Variants in SUN5 observed in about 807,000 individuals in gnomAD.
The protein encoded by SUN5 is SUN domain-containing protein 5.
A neutral mutation model predicts 53.7 loss-of-function variants in SUN5; 44 were observed. That is an observed-to-expected ratio of 0.82 (90% CI 0.64 to 1.05). The LOEUF (loss-of-function observed/expected upper bound fraction) is 1.05. SUN5 is among the 50% of genes least tolerant of loss of function. The pLI is 0.00. For synonymous variants in SUN5, 166 were observed against 179.8 expected, an observed-to-expected ratio of 0.92 and a Z score of 0.62; for missense variants, 433 against 483.8, an observed-to-expected ratio of 0.90 and a Z score of 0.98.
In SUN5 at chr20:32,996,371, T is replaced by C. The variant is rs1273246846; in HGVS notation, c.391-13A>G. The C allele has an allele frequency of 6.2e-7, 1 of 1,612,420 alleles. No homozygotes were observed. The highest frequency in any genetic ancestry group is 8.5e-7 in the Non-Finnish European group (1 of 1,178,914). ...TTATGCTGTCATCCTGGTGGAGTAT[T>C]GAGAAAGTAAGGGGTCTCCTTCAGA... is the stretch of plus-strand genomic sequence containing the variant. On this transcript the variant is annotated splice_polypyrimidine_tract_variant and intron_variant, in intron 6 of 12. Coordinates refer to ENST00000356173, the MANE Select transcript of SUN5 (RefSeq NM_080675.4).
Position 33,001,383 on chromosome 20 carries a change from G to C in SUN5, c.212-105C>G, listed in dbSNP as rs185654066. ...GCTGGGGGAGGCCCTGGAGCTGGGA[G>C]ACCCTCTCGACTTGTTGGCCGAGCC... On this transcript the variant is annotated intron_variant, in intron 3 of 12. Transcript: ENST00000356173. The C allele has an allele frequency of 1.7e-4, 220 of 1,294,034 alleles. 3 individuals carry two copies. In the Middle Eastern group the frequency reaches 4.7e-3, roughly 28 times the overall value. The allele number at this position is 1,294,034 out of a possible 1,614,324, so 80.2% of individuals were successfully genotyped here.
chr20:32,990,739 G>A (rs775091646), intron 8 of SUN5, among the ~76,000 whole-genome samples: 7 of 152,134 alleles, frequency 4.6e-5, no homozygotes, highest in Non-Finnish European at 8.8e-5. Context: ...GATGATTCCA[G>A]CCCCAGATGT....
chr20:32,985,972 G>C, intron 10 of SUN5, 69 bp from the exon 11 acceptor site: 4 of 1,527,478 alleles, frequency 2.6e-6, no homozygotes, highest in Non-Finnish European at 3.6e-6. Flanking sequence ...TTGATCCCCT[G>C]TACTTCCTGG....
Position 32,987,750 on chromosome 20 carries a change from C to A in SUN5, c.639G>T (p.Thr213=), listed in dbSNP as rs540597982. The A allele has an allele frequency of 1.2e-6, 2 of 1,613,064 alleles. No homozygotes were observed. The highest frequency in any genetic ancestry group is 4.5e-5 in the East Asian group (2 of 44,844). ...CCTTCTCATGGTTATAGGTGACTGA[C>A]GTGTGCTCAAAGTCAATGCTGGCCC... The part of the protein sequence containing the change: ...SIGASIDFEH[T]SVTYNHEKAH... The change falls in exon 10 of 13, where the codon ACG becomes ACT. Residue 213 remains threonine (T), a synonymous_variant. Coordinates refer to ENST00000356173, the MANE Select transcript of SUN5 (RefSeq NM_080675.4).
At position 32,985,975 on chromosome 20, in the gene SUN5, C is replaced by T. The variant is rs897408012; in HGVS notation, c.730-72G>A. ...ATCATCCCACCTTTGATCCCCTGTA[C>T]TTCCTGGGACCTCCTGGGTGAGCCA... is the stretch of plus-strand genomic sequence containing the variant. On this transcript the variant is annotated intron_variant, in intron 10 of 12. Coordinates refer to ENST00000356173, the MANE Select transcript of SUN5 (RefSeq NM_080675.4). 10 of 1,514,950 alleles carry T rather than the reference C, an allele frequency of 6.6e-6. No individual in the cohort carries two copies. The African/African-American group carries it at 1.2e-4, about 19-fold the overall frequency. The allele number at this position is 1,514,950 out of a possible 1,614,324, so 93.8% of individuals were successfully genotyped here.
intron 12 of SUN5, 55 bp downstream of exon 12, chr20:32,985,044 G>A: frequency 1.3e-6 from 2 of 1,581,660 alleles, no homozygotes; most frequent in Non-Finnish European, 1.7e-6. Flanking sequence ...CCTGGGTACA[G>A]ACTGCACACT....
chr20:33,001,186 A>G lies in SUN5; in HGVS notation c.278+26T>C, dbSNP rs6059007. 0.012 allele frequency: 18,191 copies of G among 1,559,550 alleles called. 894 individuals carry two copies. In the African/African-American group the frequency reaches 0.14, roughly 12 times the overall value. On this transcript the variant is annotated intron_variant, in intron 4 of 12. Coordinates refer to ENST00000356173, the MANE Select transcript of SUN5 (RefSeq NM_080675.4). Reference sequence around the variant, plus strand: ...AGCTGCCATTTCCCACTCCCCATCCACCCTCCCCCTGCCTTCCCTGCTCAC... The same window carrying G: ...AGCTGCCATTTCCCACTCCCCATCCGCCCTCCCCCTGCCTTCCCTGCTCAC...
rs759672435 is a variant in SUN5, at chr20:33,002,913, G to C, written c.84C>G (p.Ala28=). Residue 28 remains alanine (A), a synonymous_variant, in exon 2 of 13, where the codon GCC becomes GCG. Coordinates refer to ENST00000356173, the MANE Select transcript of SUN5 (RefSeq NM_080675.4). ...VAHNPRPRRI[A]QRGRNTSRMA... The stretch of plus-strand genomic sequence containing the variant: ...TCCTGCTGGTGTTCCGGCCTCGCTG[G>C]GCAATCCTGGGGATGATAAGATTCA... 129 of 1,613,996 alleles carry C rather than the reference G, an allele frequency of 8.0e-5. 1 individual carries two copies. In the East Asian group the frequency reaches 2.9e-3, roughly 36 times the overall value.
Position 32,995,664 on chromosome 20 carries a change from G to C in SUN5, c.489C>G (p.Asn163Lys), listed in dbSNP as rs1448847369. 1.2e-6 allele frequency: 2 copies of C among 1,614,046 alleles called. No individual in the cohort carries two copies. Among genetic ancestry groups the C allele is most frequent in the East Asian group, 4.5e-5 (2 of 44,900 alleles). Residue 163 changes from asparagine to lysine, a missense_variant, in exon 8 of 13, where the codon AAC becomes AAG. Coordinates refer to ENST00000356173, the MANE Select transcript of SUN5 (RefSeq NM_080675.4). ...GEIQDLRGSMNQLIAKLQEME... is the reference protein window; with the variant it reads ...GEIQDLRGSMKQLIAKLQEME... ...TCTCCTGGAGCTTGGCAATGAGCTG[G>C]TTCATGCTACCTCGGAGGTCCTGGA...
intron 4 of SUN5, 127 bp downstream of exon 4, chr20:33,001,085 G>T: frequency 9.2e-7 from 1 of 1,090,784 alleles, no homozygotes; most frequent in East Asian, 2.6e-5. Context: ...TTTGATAAAA[G>T]CCAGGTTTGG....
rs139895122 is a variant in SUN5, at chr20:32,996,325, T to C, written c.424A>G (p.Arg142Gly). The C allele has an allele frequency of 4.3e-6, 7 of 1,613,422 alleles. No homozygotes were observed. The highest frequency in any genetic ancestry group is 5.9e-6 in the Non-Finnish European group (7 of 1,179,508). ...DSINGPLQSL[R>G]LYQEKVRHHS... ...GGTTACCCAGAAGATTCCTCTTACC[T>C]CAAGCTCTGCAGTGGACCATTTATG... is the stretch of plus-strand genomic sequence containing the variant. Residue 142 changes from arginine to glycine, a missense_variant and splice_region_variant, in exon 7 of 13, where the codon AGG becomes GGG. Transcript: ENST00000356173.
At chr20:33,000,392 C>T (rs894519364) in intron 4 of SUN5, among the ~76,000 whole-genome samples, 5 of 152,152 alleles carry the variant, frequency 3.3e-5, no homozygotes, top group Admixed American at 6.5e-5. Flanking sequence ...TCATGAGTGG[C>T]AGGGCTGAGC....
chr20:32,999,121 A>G (rs1349117195), intron 5 of SUN5, among the ~76,000 whole-genome samples: 1 of 152,228 alleles, frequency 6.6e-6, no homozygotes, highest in Non-Finnish European at 1.5e-5. Flanking sequence ...ATGATCTTGC[A>G]TTAGAATTCT....
At position 32,990,080 on chromosome 20, in the gene SUN5, G is replaced by A. The variant is rs1438906263; in HGVS notation, c.535-382C>T. Among the ~76,000 whole-genome samples the A allele has an allele frequency of 2.6e-5, 4 of 152,106 alleles. No homozygotes were observed. In the East Asian group the frequency reaches 5.8e-4, roughly 22 times the overall value. On this transcript the variant is annotated intron_variant, in intron 8 of 12. Transcript: ENST00000356173. ...AATAATCGTGTCTACCTCCCACTGT[G>A]GATCTGTAAAGCCCCTACTATGTGC...
intron 12 of SUN5, among the ~76,000 whole-genome samples, chr20:32,984,207 C>T (rs1989472368): frequency 6.6e-6 from 1 of 152,200 alleles, no homozygotes; most frequent in Non-Finnish European, 1.5e-5. Flanking sequence ...GGCAAACCTC[C>T]ACCCTTTCTG....
intron 3 of SUN5, among the ~76,000 whole-genome samples, chr20:33,001,895 GC>G (rs762381645): frequency 6.6e-6 from 1 of 152,078 alleles, no homozygotes; most frequent in Non-Finnish European, 1.5e-5. Context: ...CTCGTGATCT[GC>G]CCGCCTTGGC....
chr20:32,984,068 G>T, intron 12 of SUN5, 119 bp from the exon 13 acceptor site: 1 of 1,319,888 alleles, frequency 7.6e-7, no homozygotes, highest in Non-Finnish European at 1.0e-6. Flanking sequence ...GGCCCAGACA[G>T]GAGGATGGAC....
In SUN5 at chr20:32,983,810, T is replaced by C; in HGVS notation, c.1124A>G (p.Tyr375Cys). 1.9e-6 allele frequency: 3 copies of C among 1,551,708 alleles called. No individual in the cohort carries two copies. The highest frequency in any genetic ancestry group is 2.6e-6 in the Non-Finnish European group (3 of 1,147,774). The change falls in exon 13 of 13, where the codon TAC becomes TGC. Residue 375 changes from tyrosine to cysteine, a missense_variant. Physicochemically the swap from Tyr to Cys is radical, Grantham distance 194. Coordinates refer to ENST00000356173, the MANE Select transcript of SUN5 (RefSeq NM_080675.4). ...PPREQPHQNPYPKRD is the reference protein window; with the variant it reads ...PPREQPHQNPCPKRD ...GAATAAATTTTAATCTCTCTTAGGG[T>C]AGGGGTTCTGGTGAGGCTGCTCTCT...
chr20:32,997,485 GA>G lies in SUN5; in HGVS notation c.390+152del, dbSNP rs755990504. On this transcript the variant is annotated intron_variant, in intron 6 of 12. Transcript: ENST00000356173. ...CTGGCAGAGAGATGGGTTCTAGGTG[GA>G]TGGTACGATGAAGGGTGAGATTTGG... Among the ~76,000 whole-genome samples, 4 of 152,228 alleles carry G rather than the reference GA, an allele frequency of 2.6e-5. No individual in the cohort carries two copies. The East Asian group carries it at 5.8e-4, about 22-fold the overall frequency.
Sources: allele counts gnomAD v4.1 joint callset (sites outside exome capture counted in the v4.1 genomes callset), GRCh38; gene constraint gnomAD v4.1.1; transcripts MANE v1.5; gene names NCBI Gene and HGNC (gene_info 2026-07-23, HGNC 2026-07-21).